The following WIZ variants were observed in gnomAD, a reference collection of about 807,000 sequenced individuals.
The protein encoded by WIZ is protein Wiz.
WIZ carries 25 observed loss-of-function variants against 140.2 expected under a neutral mutation model. The ratio of observed to expected loss-of-function variants is 0.18; its 90% CI spans 0.13 to 0.25. WIZ has a LOEUF of 0.25. WIZ is among the 10% of genes least tolerant of loss of function. WIZ has a pLI of 1.00. For missense variants in WIZ, 2,231 were observed against 2,632.6 expected (o/e 0.85, Z 3.34); for synonymous variants, 1,125 against 1,154.3 (o/e 0.97, Z 0.51).
rs1420329341 is a variant in WIZ at position 15,428,280 on chromosome 19, G to A, written c.3644C>T (p.Pro1215Leu). 17 of 1,526,866 alleles carry A rather than the reference G, an allele frequency of 1.1e-5. No individual in the cohort carries two copies. The highest frequency in any genetic ancestry group is 2.5e-5 in the East Asian group (1 of 40,774). The allele number at this position is 1,526,866 out of a possible 1,614,324, so 94.6% of individuals were successfully genotyped here. A position where few individuals can be genotyped will look rare whatever the true frequency, so the allele number is the denominator to read the frequency against. ...GGAGAGGGCCGCGGAGGTGGGAGGC[G>A]GCCGCCCCGGGTGGGCCAGGGCGCC... ...RRGALAHPGR[P>L]PPTSAALSLL... is the part of the protein sequence containing the mutation. The change falls in exon 8 of 13, where the codon CCG (proline) becomes CTG (leucine). Residue 1215 changes from proline to leucine, a missense_variant. By Grantham distance (98) the Pro-to-Leu change is moderately conservative. Transcript: ENST00000673675. This position sits in a 1 kb window ranked among gnomAD's most constrained non-coding sequence, Gnocchi z 6.4.
At position 15,429,906 on chromosome 19, in the gene WIZ, A is replaced by G. The variant is rs1969117462; in HGVS notation, c.3095T>C (p.Leu1032Pro). ...QKGLPDAHLG[L>P]PPGLAKKSSS... ...GGACTTCTTAGCCAGGCCTGGGGGC[A>G]GCCCAAGGTGGGCGTCAGGCAGACC... The change falls in exon 7 of 13, where the codon CTG becomes CCG. Residue 1032 changes from leucine to proline, a missense_variant. Physicochemically the swap from Leu to Pro is moderately conservative, Grantham distance 98. Coordinates refer to ENST00000673675, the MANE Select transcript of WIZ (RefSeq NM_001371589.1). 2 of 1,535,852 alleles carry G rather than the reference A, an allele frequency of 1.3e-6. No homozygotes were observed. The highest frequency in any genetic ancestry group is 1.7e-6 in the Non-Finnish European group (2 of 1,146,786).
intron 4 of WIZ, among the ~76,000 whole-genome samples, chr19:15,437,560 G>T (rs993609537): frequency 6.6e-6 from 1 of 152,244 alleles, no homozygotes; most frequent in African/African-American, 2.4e-5. Context: ...GGAGGCTAAG[G>T]TGGGAGGATT....
intron 6 of WIZ, 80 bp from the exon 7 acceptor site, chr19:15,430,169 C>T: frequency 7.0e-7 from 1 of 1,434,204 alleles, no homozygotes; most frequent in Non-Finnish European, 9.1e-7. Context: ...CCCTGAGAGT[C>T]CCACTCACCC....
intron 10 of WIZ, 47 bp from the exon 11 acceptor site, chr19:15,425,079 G>A (rs1161774996): frequency 6.6e-7 from 1 of 1,514,130 alleles, no homozygotes; most frequent in Non-Finnish European, 8.8e-7. Context: ...AAAGGGGGCA[G>A]GTGCACCCAG....
chr19:15,448,050 C>A, intron 2 of WIZ, 53 bp downstream of exon 2: 1 of 1,601,458 alleles, frequency 6.2e-7, no homozygotes, highest in Non-Finnish European at 8.5e-7. Context: ...TCTCTCTGAG[C>A]CTTGGGGAAT....
At chr19:15,436,267 C>T (rs186729461) in intron 5 of WIZ, among the ~76,000 whole-genome samples, 238 of 152,286 alleles carry the variant, frequency 1.6e-3, no homozygotes, top group Non-Finnish European at 2.7e-3. Flanking sequence ...AGAATATTTC[C>T]AGCCATCATC....
In WIZ at chr19:15,427,386, G is replaced by A. The variant is rs1206959103; in HGVS notation, c.3962C>T (p.Thr1321Met). 3.1e-6 allele frequency: 5 copies of A among 1,613,358 alleles called. No homozygotes were observed. The African/African-American group carries it at 4.0e-5, about 13-fold the overall frequency. The change falls in exon 9 of 13, where the codon ACG becomes ATG. Residue 1321 changes from threonine (T) to methionine (M), a missense_variant. Transcript: ENST00000673675. The surrounding 1 kb of genome is among the most constrained non-coding windows in gnomAD (Gnocchi z 6.4). Reference sequence around the variant, plus strand: ...CCGTCTCTTCAGGATCTCCCGCAGCGTGTCGATGGGCGAGCCATTGACGTA... The same window carrying A: ...CCGTCTCTTCAGGATCTCCCGCAGCATGTCGATGGGCGAGCCATTGACGTA... ...EWYVNGSPID[T>M]LREILKRRTQ...
Position 15,440,112 on chromosome 19 carries a change from C to T in WIZ, c.882G>A (p.Leu294=). 1 of 1,534,308 alleles carries T rather than the reference C, an allele frequency of 6.5e-7. No homozygotes were observed. The highest frequency in any genetic ancestry group is 8.7e-7 in the Non-Finnish European group (1 of 1,145,992). Residue 294 remains leucine (L), a synonymous_variant, in exon 4 of 13, where the codon CTG becomes CTA. Coordinates refer to ENST00000673675, the MANE Select transcript of WIZ (RefSeq NM_001371589.1). This position sits in a 1 kb window ranked among gnomAD's most constrained non-coding sequence, Gnocchi z 6.2. Reference sequence around the variant, plus strand: ...TGGCCACCCCTTCGGCCACCTCCTCCAGCAGCTCACACAGGTAGGGCCCGG... The same window carrying T: ...TGGCCACCCCTTCGGCCACCTCCTCTAGCAGCTCACACAGGTAGGGCCCGG... The part of the protein sequence containing the change: ...IRTGPYLCEL[L]EEVAEGVASP...
At position 15,428,549 on chromosome 19, in the gene WIZ, T is replaced by A; in HGVS notation, c.3416-41A>T. On this transcript the variant is annotated intron_variant, in intron 7 of 12. Coordinates refer to ENST00000673675, the MANE Select transcript of WIZ (RefSeq NM_001371589.1). This position sits in a 1 kb window ranked among gnomAD's most constrained non-coding sequence, Gnocchi z 6.4. ...ACAGGGGGGGTTCACGGCCGCCACC[T>A]TGGCCGGCCTTGGGGGCCTGAGGTA... 1 of 1,530,976 alleles carries A rather than the reference T, an allele frequency of 6.5e-7. No individual in the cohort carries two copies. The highest frequency in any genetic ancestry group is 8.7e-7 in the Non-Finnish European group (1 of 1,144,184). The allele number at this position is 1,530,976 out of a possible 1,614,324, so 94.8% of individuals were successfully genotyped here.
intron 12 of WIZ, among the ~76,000 whole-genome samples, chr19:15,423,848 T>G (rs1968534613): frequency 6.6e-6 from 1 of 152,182 alleles, no homozygotes; most frequent in African/African-American, 2.4e-5. Context: ...CAGTTCTGAG[T>G]GCTTTATAAA....
At position 15,425,434 on chromosome 19, in the gene WIZ, C is replaced by A. The variant is rs1247534245; in HGVS notation, c.4701G>T (p.Gln1567His). Residue 1567 changes from glutamine (Q) to histidine (H), a missense_variant, in exon 10 of 13, where the codon CAG (glutamine) becomes CAT (histidine). By Grantham distance (24) the Gln-to-His change is conservative (BLOSUM62 0). Transcript: ENST00000673675. ...GCGTCAGGCTGAGCTCACGAGGAAC[C>A]TGGGCCGGCCCTGCACCTGGTTTGC... ...RPGKPGAGPA[Q>H]VPRELSLTPI... The A allele has an allele frequency of 6.4e-7, 1 of 1,567,466 alleles. No homozygotes were observed. Among genetic ancestry groups the A allele is most frequent in the Non-Finnish European group, 8.6e-7 (1 of 1,156,100 alleles).
chr19:15,424,417 T>C lies in WIZ; in HGVS notation c.5315-39A>G. The C allele has an allele frequency of 1.3e-6, 2 of 1,583,770 alleles. No homozygotes were observed. Among genetic ancestry groups the C allele is most frequent in the Non-Finnish European group, 1.7e-6 (2 of 1,169,518 alleles). The stretch of plus-strand genomic sequence containing the variant: ...GGGGACGGGAGATGAGTGGGAGGGG[T>C]GGATGCTGCAGAGACTTGGAATACA... On this transcript the variant is annotated intron_variant, in intron 11 of 12. Coordinates refer to ENST00000673675, the MANE Select transcript of WIZ (RefSeq NM_001371589.1). The surrounding 1 kb of genome is among the most constrained non-coding windows in gnomAD (Gnocchi z 9.7).
In WIZ at chr19:15,442,410, C is replaced by T. The variant is rs1332007661; in HGVS notation, c.278+266G>A. ...TAAGGGTCACCTGGCAGAGAGAGGA[C>T]TTGAAGGGTCCAACATCCAGGCTCC... On this transcript the variant is annotated intron_variant, in intron 3 of 12. Coordinates refer to ENST00000673675, the MANE Select transcript of WIZ (RefSeq NM_001371589.1). The surrounding 1 kb of genome is among the most constrained non-coding windows in gnomAD (Gnocchi z 5.5). 6.6e-6 allele frequency among the ~76,000 whole-genome samples: 1 copy of T among 152,174 alleles called. No individual in the cohort carries two copies. Among genetic ancestry groups the T allele is most frequent in the East Asian group, 1.9e-4 (1 of 5,182 alleles).
Position 15,424,384 on chromosome 19 carries a change from G to T in WIZ, c.5315-6C>A, listed in dbSNP as rs546276931. 1.9e-6 allele frequency: 3 copies of T among 1,599,816 alleles called. No individual in the cohort carries two copies. Among genetic ancestry groups the T allele is most frequent in the African/African-American group, 1.4e-5 (1 of 73,632 alleles). On this transcript the variant is annotated splice_polypyrimidine_tract_variant and splice_region_variant and intron_variant, in intron 11 of 12. Coordinates refer to ENST00000673675, the MANE Select transcript of WIZ (RefSeq NM_001371589.1). This position sits in a 1 kb window ranked among gnomAD's most constrained non-coding sequence, Gnocchi z 9.7. The stretch of plus-strand genomic sequence containing the variant: ...GGCTTGTCGGCGTTCAAATTCTAAG[G>T]TGGAGAGGGGGACGGGAGATGAGTG...
Position 15,424,650 on chromosome 19 carries a change from G to A in WIZ, c.5277C>T (p.Thr1759=), listed in dbSNP as rs770938533. 2.3e-5 allele frequency: 36 copies of A among 1,591,978 alleles called. No individual in the cohort carries two copies. The highest frequency in any genetic ancestry group is 2.9e-5 in the Non-Finnish European group (34 of 1,177,882). Residue 1759 remains threonine, a synonymous_variant, in exon 11 of 13, where the codon ACC becomes ACT. Coordinates refer to ENST00000673675, the MANE Select transcript of WIZ (RefSeq NM_001371589.1). This position sits in a 1 kb window ranked among gnomAD's most constrained non-coding sequence, Gnocchi z 9.7. ...GCCGCTGGTGCTCCTCAGCCTTCAC[G>A]GTGCCTGGCGGGCTGGCTGCCAGAG... The part of the protein sequence containing the change: ...ERPLAASPPG[T]VKAEEHQRQN...
In WIZ at chr19:15,440,996, C is replaced by T. The variant is rs1050043181; in HGVS notation, c.279-281G>A. On this transcript the variant is annotated intron_variant, in intron 3 of 12. Transcript: ENST00000673675. The surrounding 1 kb of genome is among the most constrained non-coding windows in gnomAD (Gnocchi z 6.2). ...GTACGGAGACCACCCCTGGGCCACA[C>T]GGGGATGTGGCCACCTCTAAGAAGT... Among the ~76,000 whole-genome samples the T allele has an allele frequency of 3.9e-5, 6 of 152,128 alleles. No individual in the cohort carries two copies. Among genetic ancestry groups the T allele is most frequent in the Admixed American group, 6.5e-5 (1 of 15,286 alleles).
intron 9 of WIZ, 84 bp downstream of exon 9, chr19:15,426,894 ACCCT>A: frequency 4.0e-6 from 6 of 1,484,180 alleles, no homozygotes; most frequent in South Asian, 1.3e-5. Context: ...TTCCAATTCA[ACCCT>A]AGGCACTCTG....
Position 15,440,790 on chromosome 19 carries a change from TC to T in WIZ, c.279-76del. On this transcript the variant is annotated intron_variant, in intron 3 of 12. Transcript: ENST00000673675. This position sits in a 1 kb window ranked among gnomAD's most constrained non-coding sequence, Gnocchi z 6.2. ...CTTCCTAGGGTGGTGATGGGGGTCC[TC>T]CCAGGCCGTTTGAAGCAGGCCCCGG... 7.5e-7 allele frequency: 1 copy of T among 1,330,940 alleles called. No individual in the cohort carries two copies. Among genetic ancestry groups the T allele is most frequent in the African/African-American group, 1.5e-5 (1 of 66,712 alleles). 82.4% of individuals were successfully genotyped at this position (1,330,940 alleles called of 1,614,324 possible). A position where few individuals can be genotyped will look rare whatever the true frequency, so the allele number is the denominator to read the frequency against.
rs920896926 is a variant in WIZ, at chr19:15,439,674, G to T, written c.1320C>A (p.Ser440Arg). The change falls in exon 4 of 13, where the codon AGC becomes AGA. Residue 440 changes from serine (S) to arginine (R), a missense_variant. Coordinates refer to ENST00000673675, the MANE Select transcript of WIZ (RefSeq NM_001371589.1). This position sits in a 1 kb window ranked among gnomAD's most constrained non-coding sequence, Gnocchi z 7.0. ...QTTKEPFGGS[S>R]GAGSPSPEAS... ...CCTCAGGGCTGGGGCTGCCAGCCCC[G>T]CTGCTGCCTCCAAAAGGCTCTTTGG... The T allele has an allele frequency of 7.3e-6, 11 of 1,501,258 alleles. No homozygotes were observed. In the African/African-American group the frequency reaches 1.4e-4, roughly 19 times the overall value. 93.0% of individuals were successfully genotyped at this position (1,501,258 alleles called of 1,614,324 possible). A position where few individuals can be genotyped will look rare whatever the true frequency, so the allele number is the denominator to read the frequency against.
Sources: gnomAD v4.1 joint callset for allele counts (sites outside exome capture counted in the v4.1 genomes callset) on GRCh38, gnomAD v4.1.1 for gene constraint, Gnocchi (gnomAD v3.1) non-coding constraint, MANE v1.5 for transcripts, NCBI Gene and HGNC (gene_info 2026-07-23, HGNC 2026-07-21) for gene names.